Variants in BDH2 observed in about 807,000 individuals in gnomAD.
The protein encoded by BDH2 is 3-hydroxybutyrate dehydrogenase 2, also known as dehydrogenase/reductase SDR family member 6.
A neutral mutation model predicts 33.2 loss-of-function variants in BDH2; 24 were observed. The observed-to-expected ratio is 0.72, with a 90% CI of 0.52 to 1.02. BDH2 has a LOEUF of 1.02. BDH2 is among the 50% of genes least tolerant of loss of function. The pLI is 0.00. For missense variants in BDH2, 249 were observed against 301.6 expected (o/e 0.83, Z 1.29); for synonymous variants, 81 against 101.6 (o/e 0.80, Z 1.22).
intron 9 of BDH2, 76 bp from the exon 10 acceptor site, chr4:103,079,831 C>G: frequency 1.5e-6 from 2 of 1,340,328 alleles, no homozygotes; most frequent in Non-Finnish European, 2.1e-6. Flanking sequence ...TTTCCTGTGA[C>G]TAGGATAACT....
In BDH2 at chr4:103,091,203, G is replaced by C. The variant is rs1748066924; in HGVS notation, c.331C>G (p.Leu111Val). Residue 111 changes from leucine (L) to valine (V), a missense_variant, in exon 5 of 10, where the codon CTG becomes GTG. Transcript: ENST00000296424. ...TTAGGAAGGAATGCCTTGATCATCA[G>C]GTACATGCTGCGCACATTGAGATTC... ...SMNLNVRSMYLMIKAFLPKML... is the reference protein window; with the variant it reads ...SMNLNVRSMYVMIKAFLPKML... The C allele has an allele frequency of 5.6e-6, 9 of 1,612,614 alleles. No homozygotes were observed. The highest frequency in any genetic ancestry group is 7.6e-6 in the Non-Finnish European group (9 of 1,179,488).
At chr4:103,084,776 C>T (rs946010963) in intron 7 of BDH2, among the ~76,000 whole-genome samples, 5 of 152,196 alleles carry the variant, frequency 3.3e-5, no homozygotes, top group Non-Finnish European at 7.3e-5. Context: ...TGGGTTTCAA[C>T]TGAAGATTCA....
intron 4 of BDH2, 138 bp downstream of exon 4, chr4:103,092,462 G>A (rs1339865351): frequency 3.1e-6 from 2 of 652,144 alleles, no homozygotes; most frequent in African/African-American, 1.8e-5. Context: ...TGAAAATGCT[G>A]TGTAAAATCT....
At chr4:103,096,052 A>T in intron 2 of BDH2, 131 bp downstream of exon 2, 1 of 595,394 alleles carries the variant, frequency 1.7e-6, no homozygotes, top group Non-Finnish European at 2.9e-6. Context: ...TTTATAACTT[A>T]AGACAACAGA....
intron 5 of BDH2, among the ~76,000 whole-genome samples, chr4:103,087,873 C>G (rs1335606697): frequency 6.6e-6 from 1 of 152,126 alleles, no homozygotes; most frequent in Non-Finnish European, 1.5e-5. Context: ...GTTTCTTTAG[C>G]AGCTTTTAGA....
At chr4:103,081,272 C>G (rs144439339) in intron 9 of BDH2, among the ~76,000 whole-genome samples, 2 of 152,258 alleles carry the variant, frequency 1.3e-5, no homozygotes, top group Non-Finnish European at 1.5e-5. Context: ...TTTCCATACA[C>G]GATGATGAAC....
At chr4:103,090,527 G>A (rs1194554601) in intron 5 of BDH2, among the ~76,000 whole-genome samples, 11 of 152,200 alleles carry the variant, frequency 7.2e-5, no homozygotes, top group Non-Finnish European at 1.2e-4. Context: ...TGAAATTCAC[G>A]AAGGGGCTCA....
At chr4:103,086,112 G>C in intron 6 of BDH2, 1 of 1,096,424 alleles carries the variant, frequency 9.1e-7, no homozygotes, top group South Asian at 2.6e-5. Context: ...GATGTTTGCT[G>C]CCTTGCTCCT....
intron 5 of BDH2, among the ~76,000 whole-genome samples, chr4:103,089,579 CAA>C (rs1326051343): frequency 6.6e-6 from 1 of 152,126 alleles, no homozygotes; most frequent in African/African-American, 2.4e-5. Flanking sequence ...AAAATTAACA[CAA>C]GTTTACATTT....
rs1747379542 is a variant in BDH2 at position 103,078,954 on chromosome 4, A to AG, written c.*747dup. 6.6e-6 allele frequency among the ~76,000 whole-genome samples: 1 copy of AG among 152,186 alleles called. No individual in the cohort carries two copies. The highest frequency in any genetic ancestry group is 1.5e-5 in the Non-Finnish European group (1 of 68,028). The stretch of plus-strand genomic sequence containing the variant: ...TGGCCTCCCAAAGTGCAGGAATTAT[A>AG]GGCATGAGCTACCATGCCTAGTCCT... On this transcript the variant is annotated 3_prime_UTR_variant, in exon 10 of 10. Coordinates refer to ENST00000296424, the MANE Select transcript of BDH2 (RefSeq NM_020139.4).
At chr4:103,089,685 A>G (rs1366201933) in intron 5 of BDH2, among the ~76,000 whole-genome samples, 1 of 152,218 alleles carries the variant, frequency 6.6e-6, no homozygotes, top group Non-Finnish European at 1.5e-5. Context: ...CATGTGCAAC[A>G]GTCTTACCCA....
intron 1 of BDH2, chr4:103,099,454 T>C (rs1300124027): frequency 6.6e-6 from 1 of 152,182 alleles, no homozygotes; most frequent in Non-Finnish European, 1.5e-5. Flanking sequence ...AAACCATACA[T>C]GTTGGCTTCC....
intron 2 of BDH2, among the ~76,000 whole-genome samples, chr4:103,095,582 C>G (rs1198189550): frequency 1.3e-5 from 2 of 152,114 alleles, no homozygotes; most frequent in African/African-American, 2.4e-5. Flanking sequence ...AAATACTGCT[C>G]TTCTGTAATG....
intron 4 of BDH2, chr4:103,091,520 C>T (rs929146045): frequency 7.2e-6 from 3 of 417,376 alleles, no homozygotes; most frequent in South Asian, 2.3e-5. Flanking sequence ...GTATGGTCAC[C>T]GAACATAAGA....
At chr4:103,084,811 T>A (rs2110698455) in intron 7 of BDH2, among the ~76,000 whole-genome samples, 1 of 152,310 alleles carries the variant, frequency 6.6e-6, no homozygotes, top group East Asian at 1.9e-4. Context: ...TGGGTCTTTC[T>A]AAACCACACA....
chr4:103,087,814 A>G (rs1293102611), intron 5 of BDH2, among the ~76,000 whole-genome samples: 4 of 152,230 alleles, frequency 2.6e-5, no homozygotes, highest in African/African-American at 9.7e-5. Flanking sequence ...AGAAGTCTCA[A>G]TAGGCAGTGT....
Position 103,079,466 on chromosome 4 carries a change from A to C in BDH2, c.*236T>G, listed in dbSNP as rs566504613. 4.1e-6 allele frequency: 2 copies of C among 489,722 alleles called. No homozygotes were observed. Among genetic ancestry groups the C allele is most frequent in the African/African-American group, 2.0e-5 (1 of 51,048 alleles). The allele number at this position is 489,722 out of a possible 1,614,324, so 30.3% of individuals were successfully genotyped here. A position where few individuals can be genotyped will look rare whatever the true frequency, so the allele number is the denominator to read the frequency against. ...CAAATCGAGATTTATTTTAAAAACT[A>C]TTCTCCTGCTATGAGTTCAATATTT... On this transcript the variant is annotated 3_prime_UTR_variant, in exon 10 of 10. Coordinates refer to ENST00000296424, the MANE Select transcript of BDH2 (RefSeq NM_020139.4).
intron 5 of BDH2, among the ~76,000 whole-genome samples, chr4:103,087,871 A>C (rs1469267655): frequency 1.3e-5 from 2 of 152,370 alleles, no homozygotes; most frequent in East Asian, 3.9e-4. Context: ...GAGTTTCTTT[A>C]GCAGCTTTTA....
At chr4:103,094,535 T>G (rs1218731931) in intron 3 of BDH2, among the ~76,000 whole-genome samples, 1 of 152,142 alleles carries the variant, frequency 6.6e-6, no homozygotes, top group African/African-American at 2.4e-5. Context: ...AAACATCATG[T>G]TGAACATCTT....
Sources: allele counts gnomAD v4.1 joint callset (sites outside exome capture counted in the v4.1 genomes callset), GRCh38; gene constraint gnomAD v4.1.1; transcripts MANE v1.5; gene names NCBI Gene and HGNC (gene_info 2026-07-23, HGNC 2026-07-21).